Variants in IGF2BP3 observed in about 807,000 individuals in gnomAD.
The protein encoded by IGF2BP3 is insulin like growth factor 2 mRNA binding protein 3.
In IGF2BP3, 9 loss-of-function variants were observed where a neutral mutation model predicts 73.8. The ratio of observed to expected loss-of-function variants is 0.12; its 90% CI spans 0.07 to 0.21. The LOEUF is 0.21. IGF2BP3 is among the 10% of genes least tolerant of loss of function. The pLI is 1.00. For synonymous variants in IGF2BP3, 258 were observed against 256.7 expected (o/e 1.01, Z -0.05); for missense variants, 542 against 714.0 (o/e 0.76, Z 2.75).
At chr7:23,327,345 A>G (rs571209549) in intron 10 of IGF2BP3, among the ~76,000 whole-genome samples, 38 of 147,806 alleles carry the variant, frequency 2.6e-4, no homozygotes, top group African/African-American at 9.3e-4. Flanking sequence ...CAGTGGCGCA[A>G]TCTCGGCTCA....
chr7:23,341,921 A>G, intron 10 of IGF2BP3, 143 bp downstream of exon 10: 2 of 835,190 alleles, frequency 2.4e-6, no homozygotes, highest in East Asian at 3.4e-5. Context: ...TCCCATGTCT[A>G]CTCCACAAAG....
intron 2 of IGF2BP3, among the ~76,000 whole-genome samples, chr7:23,441,929 A>G (rs528118227): frequency 6.6e-6 from 1 of 152,278 alleles, no homozygotes; most frequent in African/African-American, 2.4e-5. Context: ...GTTTGAGACC[A>G]GCCTGGCCAA....
At chr7:23,386,385 C>A (rs1786082175) in intron 3 of IGF2BP3, among the ~76,000 whole-genome samples, 1 of 151,972 alleles carries the variant, frequency 6.6e-6, no homozygotes, top group South Asian at 2.1e-4. Flanking sequence ...TCTTGTAGTG[C>A]CAGAAAGTAC....
intron 3 of IGF2BP3, among the ~76,000 whole-genome samples, chr7:23,397,028 C>A (rs894898569): frequency 6.6e-6 from 1 of 152,134 alleles, no homozygotes; most frequent in African/African-American, 2.4e-5. Context: ...CCCTCAAAGT[C>A]CCTACCCTGT....
chr7:23,360,134 A>G (rs1785189250), intron 5 of IGF2BP3, among the ~76,000 whole-genome samples: 1 of 151,806 alleles, frequency 6.6e-6, no homozygotes, highest in Non-Finnish European at 1.5e-5. Flanking sequence ...ACTCCCCCAC[A>G]ATGCTGATGG....
rs1788642753 is a variant in IGF2BP3 at position 23,469,139 on chromosome 7, C to T, written c.176-597G>A. On this transcript the variant is annotated intron_variant, in intron 1 of 14. Transcript: ENST00000258729. The surrounding 1 kb of genome is among the most constrained non-coding windows in gnomAD (Gnocchi z 6.1). ...ACGTCTGAATTGATTAAAAGGGAAGCCGAAAGGCACGGGGCTCCCATGGGG... is the reference window on the plus strand; with the variant it reads ...ACGTCTGAATTGATTAAAAGGGAAGTCGAAAGGCACGGGGCTCCCATGGGG... 4 of 154,894 alleles carry T rather than the reference C, an allele frequency of 2.6e-5. No individual in the cohort carries two copies. Among genetic ancestry groups the T allele is most frequent in the Admixed American group, 1.9e-4 (3 of 15,964 alleles). The allele number at this position is 154,894 out of a possible 1,614,324, so 9.6% of individuals were successfully genotyped here. A position where few individuals can be genotyped will look rare whatever the true frequency, so the allele number is the denominator to read the frequency against.
At chr7:23,418,364 C>T (rs976598395) in intron 3 of IGF2BP3, among the ~76,000 whole-genome samples, 4 of 152,132 alleles carry the variant, frequency 2.6e-5, no homozygotes, top group Admixed American at 6.5e-5. Flanking sequence ...TGCAGTGCCA[C>T]CATCTGAGCA....
chr7:23,411,893 T>C (rs1787034338), intron 3 of IGF2BP3, among the ~76,000 whole-genome samples: 1 of 152,044 alleles, frequency 6.6e-6, no homozygotes, highest in Non-Finnish European at 1.5e-5. Context: ...ATATTAACTA[T>C]GGTATTGTTT....
intron 2 of IGF2BP3, among the ~76,000 whole-genome samples, chr7:23,453,761 C>G (rs1049292229): frequency 6.6e-6 from 1 of 152,210 alleles, no homozygotes; most frequent in Admixed American, 6.5e-5. Flanking sequence ...CAATCTTATT[C>G]ATTTTTCTCC....
intron 2 of IGF2BP3, among the ~76,000 whole-genome samples, chr7:23,439,784 GA>G (rs1375393336): frequency 1.3e-5 from 2 of 152,056 alleles, no homozygotes; most frequent in Non-Finnish European, 2.9e-5. Context: ...CATAAACAAA[GA>G]AACTGAGGTG....
At chr7:23,430,396 G>C (rs528147223) in intron 2 of IGF2BP3, among the ~76,000 whole-genome samples, 67 of 152,274 alleles carry the variant, frequency 4.4e-4, no homozygotes, top group African/African-American at 1.6e-3. Context: ...AAAAAAACTG[G>C]AACACAAGGT....
chr7:23,372,662 T>C (rs1229350526), intron 3 of IGF2BP3, among the ~76,000 whole-genome samples: 1 of 152,150 alleles, frequency 6.6e-6, no homozygotes, highest in Non-Finnish European at 1.5e-5. Context: ...AGTCACACCC[T>C]ACTATAAACT....
intron 2 of IGF2BP3, among the ~76,000 whole-genome samples, chr7:23,428,725 AG>A (rs373340226): frequency 0.046 from 6,643 of 144,838 alleles, 419 homozygotes; most frequent in African/African-American, 0.14. Context: ...TCTTTTTTTT[AG>A]GGGGAAAAAA....
intron 2 of IGF2BP3, among the ~76,000 whole-genome samples, chr7:23,466,214 G>A (rs963955716): frequency 1.1e-4 from 17 of 151,996 alleles, no homozygotes; most frequent in Non-Finnish European, 2.1e-4. Context: ...GTAGAGATGG[G>A]GTTTCACCAT....
At chr7:23,403,357 T>A (rs1786728042) in intron 3 of IGF2BP3, among the ~76,000 whole-genome samples, 1 of 152,192 alleles carries the variant, frequency 6.6e-6, no homozygotes, top group Admixed American at 6.5e-5. Context: ...GCCTAAGTAT[T>A]TATGTACTAA....
At chr7:23,464,916 C>G (rs1369420886) in intron 2 of IGF2BP3, among the ~76,000 whole-genome samples, 1 of 152,048 alleles carries the variant, frequency 6.6e-6, no homozygotes. Context: ...TTCTTCATCA[C>G]ATAGGAGGCA....
intron 3 of IGF2BP3, among the ~76,000 whole-genome samples, chr7:23,407,196 A>AG (rs1491552560): frequency 4.2e-4 from 64 of 151,440 alleles, no homozygotes; most frequent in Non-Finnish European, 8.3e-4. Context: ...AAAAAAAAAA[A>AG]GAAAAAAAGA....
rs1261144120 is a variant in IGF2BP3, at chr7:23,319,201, G to A, written c.1257C>T (p.Ala419=). The change falls in exon 11 of 15, where the codon GCC becomes GCT. Residue 419 remains alanine (A), a synonymous_variant. Transcript: ENST00000258729. ...TGTGCTGGCCCTGCTTGCCGATGAT[G>A]GCACCGACTGATAGAGCTGGGATAA... The part of the protein sequence containing the change: ...HLFIPALSVG[A]IIGKQGQHIK... 1.2e-6 allele frequency: 2 copies of A among 1,613,818 alleles called. No homozygotes were observed. Among genetic ancestry groups the A allele is most frequent in the Admixed American group, 1.7e-5 (1 of 59,986 alleles).
At chr7:23,331,752 C>G (rs543017424) in intron 10 of IGF2BP3, among the ~76,000 whole-genome samples, 1 of 151,026 alleles carries the variant, frequency 6.6e-6, no homozygotes, top group East Asian at 2.0e-4. Flanking sequence ...CCCAGCTACT[C>G]GGGAGGCTGA....
Sources: gnomAD v4.1 joint callset for allele counts (sites outside exome capture counted in the v4.1 genomes callset) on GRCh38, gnomAD v4.1.1 for gene constraint, Gnocchi (gnomAD v3.1) non-coding constraint, MANE v1.5 for transcripts, NCBI Gene and HGNC (gene_info 2026-07-23, HGNC 2026-07-21) for gene names.